Variants in ANKRD42 observed in about 807,000 individuals in gnomAD.
ANKRD42 encodes the protein ankyrin repeat domain-containing protein 42.
ANKRD42 carries 43 observed loss-of-function variants against 51.5 expected under a neutral mutation model. The observed-to-expected ratio is 0.83, with a 90% CI of 0.65 to 1.08. ANKRD42 has a LOEUF of 1.08. Ranked by LOEUF, ANKRD42 falls within the 50% of genes least tolerant of loss-of-function variation. The pLI is 0.00. For missense variants in ANKRD42, 608 were observed against 629.3 expected (o/e 0.97, Z 0.36); for synonymous variants, 203 against 213.0 (o/e 0.95, Z 0.41).
intron 3 of ANKRD42, among the ~76,000 whole-genome samples, chr11:83,207,773 C>T (rs7112393): frequency 0.021 from 3,215 of 152,310 alleles, 121 homozygotes; most frequent in African/African-American, 0.07. Context: ...TCCTATTAAT[C>T]TCTATGCTAT....
intron 7 of ANKRD42, among the ~76,000 whole-genome samples, chr11:83,231,851 T>C (rs368367230): frequency 1.3e-5 from 2 of 152,188 alleles, no homozygotes; most frequent in African/African-American, 4.8e-5. Context: ...TCTTAGCATC[T>C]TTGTCAAAAA....
chr11:83,194,308 G>C lies in ANKRD42; in HGVS notation c.-363G>C, dbSNP rs996714494. 4.0e-6 allele frequency: 2 copies of C among 504,696 alleles called. No individual in the cohort carries two copies. Among genetic ancestry groups the C allele is most frequent in the Non-Finnish European group, 7.7e-6 (2 of 259,260 alleles). The allele number at this position is 504,696 out of a possible 1,614,324, so 31.3% of individuals were successfully genotyped here. A position where few individuals can be genotyped will look rare whatever the true frequency, so the allele number is the denominator to read the frequency against. On this transcript the variant is annotated 5_prime_UTR_variant, in exon 1 of 11. Transcript: ENST00000533342. ...TGACTTCGGGGATAGAGTCAGTGAC[G>C]ATCGCAGTCGCCGCTTCAGTGGCTC...
intron 1 of ANKRD42, among the ~76,000 whole-genome samples, chr11:83,196,263 C>T (rs1861648999): frequency 6.6e-6 from 1 of 152,174 alleles, no homozygotes; most frequent in Non-Finnish European, 1.5e-5. Context: ...GTTTAAAATT[C>T]CTCAGTGATT....
Position 83,220,519 on chromosome 11 carries a change from T to A in ANKRD42, c.587-4336T>A, listed in dbSNP as rs115813682. ...GAATTGGTGTGGTGGCTGACCGCGG[T>A]GAGTCACGGACTGATAGAAAAAGCT... On this transcript the variant is annotated intron_variant, in intron 5 of 10. Coordinates refer to ENST00000533342, the MANE Select transcript of ANKRD42 (RefSeq NM_001300975.2). Among the ~76,000 whole-genome samples the A allele has an allele frequency of 2.4e-3, 368 of 152,198 alleles. 4 individuals carry two copies. Among genetic ancestry groups the A allele is most frequent in the African/African-American group, 8.7e-3 (361 of 41,550 alleles).
intron 7 of ANKRD42, 51 bp downstream of exon 7, chr11:83,227,923 T>G (rs772172870): frequency 3.3e-6 from 5 of 1,536,398 alleles, no homozygotes; most frequent in Non-Finnish European, 4.3e-6. Context: ...GCTGAGTTAT[T>G]CATCTTTTAA....
intron 2 of ANKRD42, among the ~76,000 whole-genome samples, chr11:83,205,451 T>C (rs1013043723): frequency 5.9e-5 from 9 of 152,234 alleles, no homozygotes; most frequent in Non-Finnish European, 1.3e-4. Context: ...GAAGAGGTGG[T>C]AGCATATACA....
intron 10 of ANKRD42, among the ~76,000 whole-genome samples, chr11:83,246,078 C>T (rs116498560): frequency 2.8e-3 from 432 of 152,256 alleles, no homozygotes; most frequent in African/African-American, 9.7e-3. Flanking sequence ...CTTCCTGTAC[C>T]CTAAATTGGC....
chr11:83,235,073 C>G (rs1863186271), intron 7 of ANKRD42, among the ~76,000 whole-genome samples: 1 of 152,218 alleles, frequency 6.6e-6, no homozygotes, highest in Non-Finnish European at 1.5e-5. Flanking sequence ...TATACATATT[C>G]AGCACCAACC....
chr11:83,224,327 G>A (rs1033912439), intron 5 of ANKRD42, among the ~76,000 whole-genome samples: 3 of 151,954 alleles, frequency 2.0e-5, no homozygotes, highest in African/African-American at 7.2e-5. Flanking sequence ...TATATAATAA[G>A]CATTTTATCC....
At chr11:83,259,640 T>G (rs1156402361), downstream of ANKRD42, 1 of 152,206 alleles carries the variant, frequency 6.6e-6, no homozygotes, top group Non-Finnish European at 1.5e-5. Context: ...CTTTATTTGC[T>G]GATAAAACTA....
intron 1 of ANKRD42, among the ~76,000 whole-genome samples, chr11:83,198,073 C>T (rs1451158334): frequency 6.6e-6 from 1 of 152,058 alleles, no homozygotes; most frequent in African/African-American, 2.4e-5. Context: ...TTAGAAGTTT[C>T]TCATTCTTTG....
At chr11:83,259,605 A>G (rs1241728279), downstream of ANKRD42, 1 of 152,228 alleles carries the variant, frequency 6.6e-6, no homozygotes, top group Non-Finnish European at 1.5e-5. Context: ...GAATGAATAA[A>G]CTAATATAGA....
chr11:83,248,464 T>C lies in ANKRD42; in HGVS notation c.*260T>C, dbSNP rs1305940915. 8.8e-7 allele frequency: 1 copy of C among 1,140,516 alleles called. No individual in the cohort carries two copies. The highest frequency in any genetic ancestry group is 1.1e-6 in the Non-Finnish European group (1 of 931,050). The allele number at this position is 1,140,516 out of a possible 1,614,324, so 70.6% of individuals were successfully genotyped here. On this transcript the variant is annotated 3_prime_UTR_variant, in exon 11 of 11. Transcript: ENST00000533342. ...AAGGAGAAAATGTTTTCATAAGTAATCAATCAGAATTCTAAGACAGCTAGA... is the reference window on the plus strand; with the variant it reads ...AAGGAGAAAATGTTTTCATAAGTAACCAATCAGAATTCTAAGACAGCTAGA...
chr11:83,212,302 G>T (rs1450273534), intron 5 of ANKRD42, among the ~76,000 whole-genome samples: 1 of 152,062 alleles, frequency 6.6e-6, no homozygotes, highest in Non-Finnish European at 1.5e-5. Flanking sequence ...GGCTGGTCTC[G>T]AACTCCTGGC....
chr11:83,232,085 T>A (rs941918401), intron 7 of ANKRD42, among the ~76,000 whole-genome samples: 1 of 144,858 alleles, frequency 6.9e-6, no homozygotes, highest in Non-Finnish European at 1.5e-5. Flanking sequence ...CTTTTGTGGT[T>A]CCATATAAAT....
downstream of ANKRD42, among the ~76,000 whole-genome samples, chr11:83,263,314 G>A: frequency 6.6e-6 from 1 of 152,112 alleles, no homozygotes; most frequent in East Asian, 1.9e-4. Flanking sequence ...AATCGTTACT[G>A]CATTTAAGTT....
downstream of ANKRD42, among the ~76,000 whole-genome samples, chr11:83,250,509 A>C (rs1030122550): frequency 6.6e-6 from 1 of 152,210 alleles, no homozygotes; most frequent in African/African-American, 2.4e-5. Flanking sequence ...AGTGTAAGGC[A>C]GGAGCAAACT....
At chr11:83,195,483 C>A (rs1435183166) in intron 1 of ANKRD42, among the ~76,000 whole-genome samples, 2 of 152,200 alleles carry the variant, frequency 1.3e-5, no homozygotes, top group Admixed American at 1.3e-4. Flanking sequence ...TTCCGTATCT[C>A]TCCTCGGAGC....
chr11:83,197,730 T>C (rs143168630), intron 1 of ANKRD42, among the ~76,000 whole-genome samples: 80 of 152,362 alleles, frequency 5.3e-4, no homozygotes, highest in African/African-American at 1.9e-3. Context: ...ACAATGCTTA[T>C]TAATTAAATT....
Sources: allele counts gnomAD v4.1 joint callset (sites outside exome capture counted in the v4.1 genomes callset), GRCh38; gene constraint gnomAD v4.1.1; transcripts MANE v1.5; gene names NCBI Gene and HGNC (gene_info 2026-07-23, HGNC 2026-07-21).